Variants in HUWE1 observed in about 807,000 individuals in gnomAD.
HUWE1 encodes the protein HECT, UBA and WWE domain containing E3 ubiquitin protein ligase 1, also known as E3 ubiquitin-protein ligase HUWE1.
In HUWE1, 18 loss-of-function variants were observed where a neutral mutation model predicts 299.4. That is an observed-to-expected ratio of 0.06 (90% CI 0.04 to 0.09). The LOEUF (loss-of-function observed/expected upper bound fraction) is 0.09. Among genes scored for constraint, HUWE1 ranks in the 10% least tolerant of loss-of-function variants. The pLI, the probability that HUWE1 is intolerant of heterozygous loss-of-function variation, is 1.00. For synonymous variants in HUWE1, 1,317 were observed against 1,286.1 expected, an observed-to-expected ratio of 1.02 and a Z score of -0.51; for missense variants, 1,832 against 3,462.3, an observed-to-expected ratio of 0.53 and a Z score of 11.82.
rs781958897 is a variant in HUWE1 at position 53,534,211 on chromosome X, C to G, written c.12832-14G>C. On this transcript the variant is annotated splice_polypyrimidine_tract_variant and intron_variant, in intron 82 of 83. Coordinates refer to ENST00000262854, the MANE Select transcript of HUWE1 (RefSeq NM_031407.7). ...GAACCACTGGATCTGTAGGAAGGGA[C>G]CCATGAAGCCAGTGTTAGGTAGAAA... The G allele has an allele frequency of 7.8e-5, 93 of 1,190,775 alleles. No individual in the cohort carries two copies. Among genetic ancestry groups the G allele is most frequent in the Non-Finnish European group, 9.8e-5 (86 of 878,860 alleles).
chrX:53,646,007 C>T (rs1363645543), intron 6 of HUWE1, among the ~76,000 whole-genome samples: 2 of 109,812 alleles, frequency 1.8e-5, no homozygotes, highest in Admixed American at 1.9e-4. Flanking sequence ...TCTTCTGTAT[C>T]CTTTATGACA....
intron 33 of HUWE1, 146 bp downstream of exon 33, chrX:53,592,252 T>A: frequency 2.0e-6 from 1 of 503,100 alleles, no homozygotes; most frequent in East Asian, 3.5e-5. Flanking sequence ...AGAAAAAAAA[T>A]AAATACTAAG....
intron 19 of HUWE1, among the ~76,000 whole-genome samples, chrX:53,620,035 T>C (rs2066044591): frequency 8.9e-6 from 1 of 111,805 alleles, no homozygotes; most frequent in African/African-American, 3.3e-5. Context: ...CCCAATCTGC[T>C]GGCACAAATC....
At chrX:53,598,143 G>A (rs1444857174) in intron 29 of HUWE1, among the ~76,000 whole-genome samples, 23 of 111,608 alleles carry the variant, frequency 2.1e-4, no homozygotes, top group Non-Finnish European at 3.4e-4. Context: ...CTTCTGAACC[G>A]ATACCAGATG....
At chrX:53,666,236 T>C (rs1313664180) in intron 3 of HUWE1, among the ~76,000 whole-genome samples, 1 of 111,755 alleles carries the variant, frequency 8.9e-6, no homozygotes, top group Non-Finnish European at 1.9e-5. Flanking sequence ...GATTATTTTT[T>C]TCAAGCTGTA....
At chrX:53,578,520 C>T (rs1477116188) in intron 43 of HUWE1, among the ~76,000 whole-genome samples, 4 of 95,922 alleles carry the variant, frequency 4.2e-5, no homozygotes, top group Non-Finnish European at 6.4e-5. Flanking sequence ...CCGCCCAGTC[C>T]GGGAGGGAGG....
In HUWE1 at chrX:53,558,725, AGTT is replaced by A; in HGVS notation, c.8087_8089del (p.Gln2696del). The A allele has an allele frequency of 1.7e-6, 2 of 1,210,035 alleles. No individual in the cohort carries two copies. The highest frequency in any genetic ancestry group is 2.2e-6 in the Non-Finnish European group (2 of 893,967). On this transcript the variant is annotated inframe_deletion, in exon 59 of 84. Coordinates refer to ENST00000262854, the MANE Select transcript of HUWE1 (RefSeq NM_031407.7). ...AGTTATCTTTGTTTCTTCCTCAGCCAGTTGTTTCCTGCGCTTCTCTCGCCTTTC... is the reference window on the plus strand; with the variant it reads ...AGTTATCTTTGTTTCTTCCTCAGCCAGTTTCCTGCGCTTCTCTCGCCTTTC...
chrX:53,553,126 C>T (rs2061834767), intron 61 of HUWE1, among the ~76,000 whole-genome samples: 1 of 110,889 alleles, frequency 9.0e-6, no homozygotes, highest in Non-Finnish European at 1.9e-5. Context: ...AACATCTTCC[C>T]TAGGCAAACC....
At chrX:53,608,513 T>C (rs1278045154) in intron 24 of HUWE1, among the ~76,000 whole-genome samples, 1 of 111,868 alleles carries the variant, frequency 8.9e-6, no homozygotes, top group East Asian at 2.8e-4. Context: ...AGTGTTATGT[T>C]GGTACTCAAA....
chrX:53,637,703 T>C (rs1287552762), intron 7 of HUWE1, among the ~76,000 whole-genome samples: 1 of 112,547 alleles, frequency 8.9e-6, no homozygotes, highest in East Asian at 2.8e-4. Context: ...TCTGTGCTGT[T>C]GTTATATTTA....
chrX:53,552,479 G>A, intron 62 of HUWE1, 38 bp from the exon 63 acceptor site: 1 of 1,208,461 alleles, frequency 8.3e-7, no homozygotes, highest in Non-Finnish European at 1.1e-6. Context: ...TCTGTATTAT[G>A]TCTTCTCGTT....
In HUWE1 at chrX:53,534,143, A is replaced by G; in HGVS notation, c.12886T>C (p.Phe4296Leu). 2 of 1,210,506 alleles carry G rather than the reference A, an allele frequency of 1.7e-6. No individual in the cohort carries two copies. The highest frequency in any genetic ancestry group is 3.5e-5 in the South Asian group (2 of 56,950). The change falls in exon 83 of 84, where the codon TTC becomes CTC. Residue 4296 changes from phenylalanine (F) to leucine (L), a missense_variant. Physicochemically the swap from Phe to Leu is conservative, Grantham distance 22. Coordinates refer to ENST00000262854, the MANE Select transcript of HUWE1 (RefSeq NM_031407.7). ...RSFDQADRAK[F>L]LQFVTGTSKV... Reference sequence around the variant, plus strand: ...GAAGTACCTGTGACAAACTGGAGGAACTTGGCACGGTCAGCTTGATCGAAA... The same window carrying G: ...GAAGTACCTGTGACAAACTGGAGGAGCTTGGCACGGTCAGCTTGATCGAAA...
chrX:53,547,169 A>G (rs1218719800), intron 68 of HUWE1, among the ~76,000 whole-genome samples: 2 of 111,681 alleles, frequency 1.8e-5, no homozygotes, highest in East Asian at 2.8e-4. Context: ...GGCCCACTCT[A>G]TTCTTTAAAA....
chrX:53,677,771 T>C (rs1481960400), intron 3 of HUWE1, among the ~76,000 whole-genome samples: 2 of 111,384 alleles, frequency 1.8e-5, no homozygotes, highest in Non-Finnish European at 3.8e-5. Flanking sequence ...GGCAATTATC[T>C]CTGATATCTA....
chrX:53,644,932 A>C (rs1252698626), intron 7 of HUWE1, among the ~76,000 whole-genome samples: 2 of 112,151 alleles, frequency 1.8e-5, no homozygotes, highest in Non-Finnish European at 3.8e-5. Flanking sequence ...TGAAGTAGAT[A>C]TGTTAAATTC....
chrX:53,650,652 T>C (rs2068397225), intron 4 of HUWE1, among the ~76,000 whole-genome samples: 1 of 112,266 alleles, frequency 8.9e-6, no homozygotes, highest in South Asian at 3.7e-4. Flanking sequence ...TTTATTTCAA[T>C]AGATACCAAA....
rs1407629130 is a variant in HUWE1 at position 53,648,108 on chromosome X, C to A, written c.144+104G>T. On this transcript the variant is annotated intron_variant, in intron 5 of 83. Transcript: ENST00000262854. ...GCACATGCTAGATGCTTATTAATTG[C>A]TGAATGAGGCTATCCCATTGTGGTT... is the stretch of plus-strand genomic sequence containing the variant. 5 of 564,185 alleles carry A rather than the reference C, an allele frequency of 8.9e-6. No homozygotes were observed. The African/African-American group carries it at 9.0e-5, about 10-fold the overall frequency. The allele number at this position is 564,185 out of a possible 1,213,427, so 46.5% of individuals were successfully genotyped here. A position where few individuals can be genotyped will look rare whatever the true frequency, so the allele number is the denominator to read the frequency against.
In HUWE1 at chrX:53,615,147, C is replaced by G. The variant is rs781982201; in HGVS notation, c.2050-402G>C. Among the ~76,000 whole-genome samples, 78 of 110,332 alleles carry G rather than the reference C, an allele frequency of 7.1e-4. 1 individual carries two copies. The highest frequency in any genetic ancestry group is 1.4e-3 in the Non-Finnish European group (72 of 52,887). On this transcript the variant is annotated intron_variant, in intron 22 of 83. Transcript: ENST00000262854. ...GGGTAATATGCTTTACAAACTTAAT[C>G]TAAGCCATGTCTGCTTGTCCATATA...
rs1372033852 is a variant in HUWE1, at chrX:53,627,485, G to A, written c.1414C>T (p.Pro472Ser). ...TGGATCTTTGGCTTGATCACAAACG[G>A]ACATTCTTTTCGGCACAAATCTACT... is the stretch of plus-strand genomic sequence containing the variant. ...HEVDLCRKEC[P>S]FVIKPKIQRP... The change falls in exon 17 of 84, where the codon CCG (proline) becomes TCG (serine). Residue 472 changes from proline to serine, a missense_variant. Physicochemically the swap from Pro to Ser is moderately conservative, Grantham distance 74. Transcript: ENST00000262854. The A allele has an allele frequency of 8.3e-7, 1 of 1,202,944 alleles. No homozygotes were observed. The highest frequency in any genetic ancestry group is 2.2e-5 in the Admixed American group (1 of 45,755).
Sources: allele counts gnomAD v4.1 joint callset (sites outside exome capture counted in the v4.1 genomes callset), GRCh38; gene constraint gnomAD v4.1.1; transcripts MANE v1.5; gene names NCBI Gene and HGNC (gene_info 2026-07-23, HGNC 2026-07-21).